Variants in NLRP11 observed in about 807,000 individuals in gnomAD.
The protein encoded by NLRP11 is NLR family pyrin domain containing 11, also known as NACHT, LRR and PYD domains-containing protein 11.
In NLRP11, 53 loss-of-function variants were observed where a neutral mutation model predicts 79.3. The observed-to-expected ratio is 0.67, with a 90% CI of 0.54 to 0.84. The LOEUF (loss-of-function observed/expected upper bound fraction) is 0.84. NLRP11 is among the 40% of genes least tolerant of loss of function. The pLI, the probability that NLRP11 is intolerant of heterozygous loss-of-function variation, is 0.00. For missense variants in NLRP11, 1,264 were observed against 1,255.0 expected, an observed-to-expected ratio of 1.01 and a Z score of -0.11; for synonymous variants, 518 against 462.6, an observed-to-expected ratio of 1.12 and a Z score of -1.54.
chr19:55,801,785 A>G, intron 4 of NLRP11, 46 bp from the exon 5 acceptor site: 1 of 1,529,344 alleles, frequency 6.5e-7, no homozygotes. Flanking sequence ...AGGTCTGAAC[A>G]TCTTCTCCAC....
rs1238131035 is a variant in NLRP11 at position 55,815,303 on chromosome 19, C to G, written c.271+2601G>C. Among the ~76,000 whole-genome samples the G allele has an allele frequency of 2.0e-5, 3 of 152,036 alleles. No homozygotes were observed. In the Middle Eastern group the frequency reaches 0.01, roughly 517 times the overall value. On this transcript the variant is annotated intron_variant, in intron 2 of 9. Coordinates refer to ENST00000589093, the Ensembl canonical transcript of NLRP11. ...CAGCACTTTGGGAGGCCGAGGCGGG[C>G]GGATCACCTGAGGTCAGGAGTTCAA...
Position 55,809,591 on chromosome 19 carries a change from A to G in NLRP11, c.1019T>C (p.Ile340Thr). 1.2e-6 allele frequency: 2 copies of G among 1,614,190 alleles called. No individual in the cohort carries two copies. Among genetic ancestry groups the G allele is most frequent in the Non-Finnish European group, 1.7e-6 (2 of 1,180,030 alleles). Residue 340 changes from isoleucine to threonine, a missense_variant, in exon 3 of 10, where the codon ATC becomes ACC. By Grantham distance (89) the Ile-to-Thr change is moderately conservative (BLOSUM62 -1). Coordinates refer to ENST00000589093, the Ensembl canonical transcript of NLRP11. The surrounding 1 kb of genome is among the most constrained non-coding windows in gnomAD (Gnocchi z 4.5). ...GACAGTACACGTGATCCAGCATAAG[A>G]TGGCGACTCGGCACAGACCCACGAG...
Position 55,830,197 on chromosome 19 carries a change from A to G in NLRP11, c.-63+1766T>C, listed in dbSNP as rs190733078. Among the ~76,000 whole-genome samples the G allele has an allele frequency of 2.6e-3, 398 of 152,228 alleles. 3 individuals carry two copies. The highest frequency in any genetic ancestry group is 8.9e-3 in the African/African-American group (368 of 41,540). ...TTCCCCCCTAAGTGAACACAAGTAG[A>G]TTAGGGATTAGTAAGTTAAGCCTCA... On this transcript the variant is annotated intron_variant, in intron 1 of 9. Transcript: ENST00000589093.
chr19:55,792,954 G>C (rs1196625511), intron 6 of NLRP11, among the ~76,000 whole-genome samples: 1 of 152,166 alleles, frequency 6.6e-6, no homozygotes, highest in Non-Finnish European at 1.5e-5. Context: ...CGTTTTGTCT[G>C]TCCAGGTTTA....
rs200135575 is a variant in NLRP11, at chr19:55,817,175, T to G, written c.271+729A>C. 3.5e-4 allele frequency among the ~76,000 whole-genome samples: 53 copies of G among 150,708 alleles called. 1 individual carries two copies. Among genetic ancestry groups the G allele is most frequent in the African/African-American group, 1.2e-3 (50 of 40,530 alleles). ...CAAGAATGGCCATGATAAAAAAAAA[T>G]TTAAAAAATAGATGTTGGTATGGAT... On this transcript the variant is annotated intron_variant, in intron 2 of 9. Transcript: ENST00000589093.
intron 6 of NLRP11, among the ~76,000 whole-genome samples, chr19:55,794,490 G>A (rs1266954636): frequency 6.6e-6 from 1 of 152,194 alleles, no homozygotes; most frequent in Non-Finnish European, 1.5e-5. Flanking sequence ...GCTGGACACA[G>A]TGGCTCACAT....
rs778715243 is a variant in NLRP11, at chr19:55,785,909, A to G, written c.2856-38T>C. The G allele has an allele frequency of 5.0e-6, 8 of 1,591,470 alleles. No individual in the cohort carries two copies. In the East Asian group the frequency reaches 1.6e-4, roughly 31 times the overall value. On this transcript the variant is annotated intron_variant, in intron 9 of 9. Transcript: ENST00000589093. ...AGAGAGAGAACGCCGTTAATGCTAC[A>G]TGTGAGGTCTCAGCTTTGTTGCATC...
chr19:55,819,744 A>G (rs1336851922), intron 1 of NLRP11, among the ~76,000 whole-genome samples: 2 of 152,156 alleles, frequency 1.3e-5, no homozygotes, highest in African/African-American at 4.8e-5. Context: ...AAACCTAACT[A>G]GATACTCAAC....
At chr19:55,822,990 C>T (rs1055205632) in intron 1 of NLRP11, among the ~76,000 whole-genome samples, 1 of 145,660 alleles carries the variant, frequency 6.9e-6, no homozygotes, top group Non-Finnish European at 1.5e-5. Flanking sequence ...ACAGCAGTAA[C>T]CTCTGCAGAC....
chr19:55,786,521 G>GA lies in NLRP11; in HGVS notation c.2856-651dup, dbSNP rs57523493. On this transcript the variant is annotated intron_variant, in intron 9 of 9. Transcript: ENST00000589093. Reference sequence around the variant, plus strand: ...GAGTGACAGAGCAAGACCCTAACTAGAAAAAAAAAAAATTTACATAGCTAG... The same window carrying GA: ...GAGTGACAGAGCAAGACCCTAACTAGAAAAAAAAAAAAATTTACATAGCTAG... 8.5e-3 allele frequency among the ~76,000 whole-genome samples: 1,244 copies of GA among 146,058 alleles called. 9 individuals carry two copies. The highest frequency in any genetic ancestry group is 0.02 in the African/African-American group (810 of 40,212).
chr19:55,803,982 T>A (rs1406707046), intron 4 of NLRP11, among the ~76,000 whole-genome samples: 1 of 152,196 alleles, frequency 6.6e-6, no homozygotes, highest in Non-Finnish European at 1.5e-5. Flanking sequence ...CTCAGGAGGC[T>A]GAGGCAGAAC....
intron 1 of NLRP11, among the ~76,000 whole-genome samples, chr19:55,829,044 G>A (rs1001791224): frequency 6.6e-6 from 1 of 152,196 alleles, no homozygotes; most frequent in African/African-American, 2.4e-5. Flanking sequence ...GCACCTTGTA[G>A]TTCAGTCAAC....
At chr19:55,834,681 T>C (rs182153153), upstream of NLRP11, among the ~76,000 whole-genome samples, 314 of 152,270 alleles carry the variant, frequency 2.1e-3, 3 homozygotes, top group Middle Eastern at 6.8e-3. Context: ...ATTGTTCATA[T>C]TGGCAAAAAC....
At chr19:55,830,355 T>C (rs1210803888) in intron 1 of NLRP11, among the ~76,000 whole-genome samples, 2 of 152,212 alleles carry the variant, frequency 1.3e-5, no homozygotes, top group East Asian at 3.8e-4. Context: ...TTTCTAGTGA[T>C]ATGTTTGTCT....
chr19:55,832,716 T>C (rs867531987), upstream of NLRP11: 1 of 152,226 alleles, frequency 6.6e-6, no homozygotes, highest in Non-Finnish European at 1.5e-5. Context: ...GTTTTAGATG[T>C]ATCTTTGTAA....
rs543222925 is a variant in NLRP11 at position 55,796,133 on chromosome 19, C to T, written c.2289G>A (p.Met763Ile). ...GAAGCAAGGCATCACACAGTATGTT[C>T]ATCCCGTCGCTCCTCAGCGGATTGC... The change falls in exon 6 of 10, where the codon ATG becomes ATA. Residue 763 changes from methionine to isoleucine, a missense_variant. Met to Ile is a conservative substitution (Grantham distance 10, BLOSUM62 1). Transcript: ENST00000589093. The T allele has an allele frequency of 9.2e-5, 149 of 1,614,158 alleles. 2 individuals are homozygous for T. In the South Asian group the frequency reaches 1.6e-3, roughly 17 times the overall value.
intron 2 of NLRP11, among the ~76,000 whole-genome samples, chr19:55,812,983 C>T (rs1262566275): frequency 6.6e-6 from 1 of 152,056 alleles, no homozygotes; most frequent in Admixed American, 6.6e-5. Context: ...GTTCAGGTTC[C>T]CACCTGATAA....
At chr19:55,832,834 A>G (rs1982919254), upstream of NLRP11, 1 of 152,212 alleles carries the variant, frequency 6.6e-6, no homozygotes, top group African/African-American at 2.4e-5. Flanking sequence ...ACCTTTTACA[A>G]TAAGATACAA....
chr19:55,792,906 C>A (rs1367550040), intron 6 of NLRP11, among the ~76,000 whole-genome samples: 1 of 152,180 alleles, frequency 6.6e-6, no homozygotes. Context: ...ACAGACGGCA[C>A]ACCAGAAGCC....
Sources: gnomAD v4.1 joint callset for allele counts (sites outside exome capture counted in the v4.1 genomes callset) on GRCh38, gnomAD v4.1.1 for gene constraint, Gnocchi (gnomAD v3.1) non-coding constraint, MANE v1.5 for transcripts, NCBI Gene and HGNC (gene_info 2026-07-23, HGNC 2026-07-21) for gene names.